Variants in ZCCHC7 observed in about 807,000 individuals in gnomAD.
The protein encoded by ZCCHC7 is zinc finger CCHC-type containing 7, also known as zinc finger CCHC domain-containing protein 7.
Under a neutral mutation model 52.0 loss-of-function variants are expected in ZCCHC7, and 35 were observed. The ratio of observed to expected loss-of-function variants is 0.67; its 90% confidence interval spans 0.51 to 0.89. The LOEUF is 0.89. Ranked by LOEUF, ZCCHC7 falls within the 40% of genes least tolerant of loss-of-function variation. The pLI is 0.00. For missense variants in ZCCHC7, 574 were observed against 649.1 expected (o/e 0.88, Z 1.26); for synonymous variants, 217 against 221.5 (o/e 0.98, Z 0.18).
At chr9:37,161,510 G>T (rs1225135010) in intron 2 of ZCCHC7, among the ~76,000 whole-genome samples, 1 of 151,992 alleles carries the variant, frequency 6.6e-6, no homozygotes, top group Non-Finnish European at 1.5e-5. Flanking sequence ...GGCAGGCGGA[G>T]CTTGCAGTGA....
At chr9:37,231,704 A>C (rs1270098378) in intron 2 of ZCCHC7, among the ~76,000 whole-genome samples, 3 of 152,170 alleles carry the variant, frequency 2.0e-5, no homozygotes, top group Admixed American at 6.5e-5. Flanking sequence ...ACAATGGTCA[A>C]GTATTTATCA....
chr9:37,236,816 A>G (rs1214842927), intron 2 of ZCCHC7, among the ~76,000 whole-genome samples: 1 of 152,162 alleles, frequency 6.6e-6, no homozygotes, highest in East Asian at 1.9e-4. Flanking sequence ...GCTAAGTTGA[A>G]AAATCATTTT....
chr9:37,219,139 A>C (rs1445988829), intron 2 of ZCCHC7, among the ~76,000 whole-genome samples: 1 of 152,194 alleles, frequency 6.6e-6, no homozygotes, highest in Non-Finnish European at 1.5e-5. Flanking sequence ...ACTAAAAACA[A>C]ACAGAAAACA....
chr9:37,287,906 G>GA (rs1013240060), intron 2 of ZCCHC7, among the ~76,000 whole-genome samples: 10 of 151,506 alleles, frequency 6.6e-5, no homozygotes, highest in African/African-American at 2.2e-4. Context: ...TATTAGAAAT[G>GA]AAAGTCAACA....
At chr9:37,174,849 G>A (rs1420639914) in intron 2 of ZCCHC7, among the ~76,000 whole-genome samples, 4 of 151,986 alleles carry the variant, frequency 2.6e-5, no homozygotes, top group African/African-American at 9.7e-5. Context: ...AAGAATATTC[G>A]ATCCTGGCCG....
At chr9:37,169,855 C>G (rs560680813) in intron 2 of ZCCHC7, among the ~76,000 whole-genome samples, 5 of 152,164 alleles carry the variant, frequency 3.3e-5, no homozygotes, top group African/African-American at 9.6e-5. Flanking sequence ...TGCTTGAGCC[C>G]AGCAGTTCAA....
At chr9:37,269,788 A>G (rs962031583) in intron 2 of ZCCHC7, among the ~76,000 whole-genome samples, 2 of 152,130 alleles carry the variant, frequency 1.3e-5, no homozygotes, top group Non-Finnish European at 2.9e-5. Context: ...GGAGATGAGG[A>G]AGAGAAAAAC....
At chr9:37,353,228 A>G (rs1821500419) in intron 7 of ZCCHC7, among the ~76,000 whole-genome samples, 2 of 152,242 alleles carry the variant, frequency 1.3e-5, no homozygotes, top group African/African-American at 4.8e-5. Context: ...AGACTGACTC[A>G]AGAAGAACAA....
intron 2 of ZCCHC7, among the ~76,000 whole-genome samples, chr9:37,133,828 A>T (rs1201324921): frequency 1.3e-5 from 2 of 152,192 alleles, no homozygotes; most frequent in African/African-American, 4.8e-5. Flanking sequence ...ACCTCAGGTG[A>T]TCTGCCCACC....
At chr9:37,162,456 T>C (rs1821158746) in intron 2 of ZCCHC7, among the ~76,000 whole-genome samples, 1 of 152,188 alleles carries the variant, frequency 6.6e-6, no homozygotes, top group Non-Finnish European at 1.5e-5. Context: ...TTTTGCACTT[T>C]CTAAAATTTT....
intron 2 of ZCCHC7, among the ~76,000 whole-genome samples, chr9:37,172,818 T>A (rs1564156974): frequency 6.7e-6 from 1 of 149,864 alleles, no homozygotes; most frequent in Non-Finnish European, 1.5e-5. Context: ...AGTTGTGACT[T>A]GAGTGAGCAA....
intron 5 of ZCCHC7, among the ~76,000 whole-genome samples, chr9:37,308,200 T>A (rs1387042398): frequency 6.6e-6 from 1 of 152,238 alleles, no homozygotes; most frequent in African/African-American, 2.4e-5. Flanking sequence ...CAAAGTACTT[T>A]AGTCTTATTT....
intron 2 of ZCCHC7, among the ~76,000 whole-genome samples, chr9:37,179,650 T>C (rs961952572): frequency 6.6e-6 from 1 of 152,180 alleles, no homozygotes; most frequent in African/African-American, 2.4e-5. Flanking sequence ...ATAGTTGAAA[T>C]TGATGGCTGT....
chr9:37,231,978 T>G (rs778215692), intron 2 of ZCCHC7, among the ~76,000 whole-genome samples: 28 of 152,248 alleles, frequency 1.8e-4, no homozygotes, highest in Non-Finnish European at 3.8e-4. Flanking sequence ...CTCTTCTTTT[T>G]GTTGCTGGTT....
chr9:37,334,846 G>A (rs1458409330), intron 6 of ZCCHC7, among the ~76,000 whole-genome samples: 2 of 152,004 alleles, frequency 1.3e-5, no homozygotes, highest in Non-Finnish European at 2.9e-5. Flanking sequence ...GATTAAATTA[G>A]AACTTCACCT....
At chr9:37,337,388 A>T (rs979352739) in intron 6 of ZCCHC7, among the ~76,000 whole-genome samples, 1 of 30,752 alleles carries the variant, frequency 3.3e-5, no homozygotes. Flanking sequence ...ATCCCACCCC[A>T]CCCTACCCAC....
chr9:37,144,316 C>T (rs1773580905), intron 2 of ZCCHC7, among the ~76,000 whole-genome samples: 1 of 151,822 alleles, frequency 6.6e-6, no homozygotes, highest in South Asian at 2.1e-4. Flanking sequence ...ATGCTAATAT[C>T]TTCTTTGTTG....
intron 2 of ZCCHC7, among the ~76,000 whole-genome samples, chr9:37,160,919 T>G (rs1019779410): frequency 6.6e-6 from 1 of 151,680 alleles, no homozygotes; most frequent in Non-Finnish European, 1.5e-5. Flanking sequence ...GTTCTTAATC[T>G]CTACCACAGA....
intron 2 of ZCCHC7, among the ~76,000 whole-genome samples, chr9:37,164,648 C>G (rs1329494018): frequency 6.6e-6 from 1 of 152,162 alleles, no homozygotes; most frequent in Non-Finnish European, 1.5e-5. Flanking sequence ...TTGGCATGAT[C>G]ATGGCTTACT....
Sources: allele counts gnomAD v4.1 joint callset (sites outside exome capture counted in the v4.1 genomes callset), GRCh38; gene constraint gnomAD v4.1.1; transcripts MANE v1.5; gene names NCBI Gene and HGNC (gene_info 2026-07-23, HGNC 2026-07-21).